The following SCHIP1 variants were observed in gnomAD, a reference collection of about 807,000 sequenced individuals.
SCHIP1 encodes schwannomin interacting protein 1, also known as schwannomin-interacting protein 1.
Under a neutral mutation model 29.7 loss-of-function variants are expected in SCHIP1, and 8 were observed. The ratio of observed to expected loss-of-function variants is 0.27; its 90% confidence interval spans 0.16 to 0.49. SCHIP1 has a LOEUF of 0.49. SCHIP1 is among the 20% of genes least tolerant of loss of function. SCHIP1 has a pLI of 0.99. For synonymous variants in SCHIP1, 76 were observed against 94.9 expected, an observed-to-expected ratio of 0.80 and a Z score of 1.16; for missense variants, 193 against 294.6, an observed-to-expected ratio of 0.66 and a Z score of 2.52.
chr3:159,689,185 G>A, the SCHIP1 span, among the ~76,000 whole-genome samples: 11 of 152,144 alleles, frequency 7.2e-5, no homozygotes, highest in East Asian at 1.9e-3. Flanking sequence ...AAATTACTTT[G>A]GGCAGTATGG....
At chr3:159,557,017 G>C in the SCHIP1 span, among the ~76,000 whole-genome samples, 2 of 151,736 alleles carry the variant, frequency 1.3e-5, no homozygotes, top group South Asian at 4.2e-4. Flanking sequence ...GAGTGCAGTG[G>C]CACGATCTCG....
chr3:159,502,307 A>G, the SCHIP1 span, among the ~76,000 whole-genome samples: 24 of 152,154 alleles, frequency 1.6e-4, no homozygotes, highest in Non-Finnish European at 2.4e-4. Context: ...TGTGTTGGGG[A>G]CCTGAGAGAG....
At chr3:159,371,846 C>G in the SCHIP1 span, among the ~76,000 whole-genome samples, 3 of 152,050 alleles carry the variant, frequency 2.0e-5, no homozygotes, top group Non-Finnish European at 4.4e-5. Flanking sequence ...TGTACATGTT[C>G]CATACAGATG....
chr3:159,294,505 C>T, the SCHIP1 span, among the ~76,000 whole-genome samples: 23 of 152,216 alleles, frequency 1.5e-4, no homozygotes, highest in East Asian at 2.9e-3. Context: ...TTTGACATGA[C>T]GTTTTTCTTT....
At chr3:159,402,311 G>A in the SCHIP1 span, among the ~76,000 whole-genome samples, 2 of 152,168 alleles carry the variant, frequency 1.3e-5, no homozygotes, top group Non-Finnish European at 1.5e-5. Context: ...GGAGAAATAG[G>A]AACACTTTTA....
the SCHIP1 span, among the ~76,000 whole-genome samples, chr3:159,589,193 T>G: frequency 6.6e-6 from 1 of 152,310 alleles, no homozygotes; most frequent in Non-Finnish European, 1.5e-5. Flanking sequence ...CCCTTGTAAG[T>G]TGGATTCCTA....
At chr3:159,659,592 T>C in the SCHIP1 span, among the ~76,000 whole-genome samples, 7 of 152,282 alleles carry the variant, frequency 4.6e-5, no homozygotes, top group East Asian at 1.4e-3. Flanking sequence ...TCCCTGAAGG[T>C]GTACAATCTT....
the SCHIP1 span, among the ~76,000 whole-genome samples, chr3:159,574,122 A>G: frequency 1.3e-5 from 2 of 152,226 alleles, no homozygotes; most frequent in Non-Finnish European, 2.9e-5. Flanking sequence ...TCAACTTGTC[A>G]AAGTCATTCT....
the SCHIP1 span, among the ~76,000 whole-genome samples, chr3:159,400,758 ACTTCT>A: frequency 6.6e-6 from 1 of 151,994 alleles, no homozygotes; most frequent in Non-Finnish European, 1.5e-5. Flanking sequence ...TTTATTCTCC[ACTTCT>A]CATCTTTCCT....
the SCHIP1 span, among the ~76,000 whole-genome samples, chr3:159,694,389 G>A: frequency 2.6e-5 from 4 of 151,982 alleles, no homozygotes; most frequent in Non-Finnish European, 4.4e-5. Flanking sequence ...GCATGGTGGC[G>A]GGTGCCTGTA....
upstream of SCHIP1, among the ~76,000 whole-genome samples, chr3:159,837,458 C>A (rs947096828): frequency 2.6e-5 from 4 of 152,206 alleles, no homozygotes; most frequent in Admixed American, 2.6e-4. Context: ...CACGGTGGCT[C>A]AGGCCTGTAA....
the SCHIP1 span, among the ~76,000 whole-genome samples, chr3:159,675,801 C>G: frequency 6.6e-6 from 1 of 152,186 alleles, no homozygotes; most frequent in Non-Finnish European, 1.5e-5. Flanking sequence ...TGACAGAAAA[C>G]TTGGAGTCAT....
chr3:159,865,563 G>A (rs1358663056), intron 1 of SCHIP1, among the ~76,000 whole-genome samples: 1 of 152,200 alleles, frequency 6.6e-6, no homozygotes, highest in African/African-American at 2.4e-5. Flanking sequence ...AAAACCTGGT[G>A]AGATGAGGCT....
At chr3:159,741,420 A>G in the SCHIP1 span, among the ~76,000 whole-genome samples, 1 of 152,206 alleles carries the variant, frequency 6.6e-6, no homozygotes, top group Admixed American at 6.5e-5. Flanking sequence ...GAAATACTAG[A>G]GTTTTACCTA....
the SCHIP1 span, among the ~76,000 whole-genome samples, chr3:159,798,063 G>T: frequency 6.6e-6 from 1 of 152,176 alleles, no homozygotes; most frequent in African/African-American, 2.4e-5. Flanking sequence ...GTTTCAACTT[G>T]GTGGCATGGA....
chr3:159,450,218 A>G, the SCHIP1 span, among the ~76,000 whole-genome samples: 8 of 152,356 alleles, frequency 5.3e-5, no homozygotes, highest in Admixed American at 6.5e-5. Context: ...TTTGGTGGAC[A>G]GTAAAATCAC....
chr3:159,372,009 T>G, the SCHIP1 span, among the ~76,000 whole-genome samples: 2 of 152,188 alleles, frequency 1.3e-5, no homozygotes, highest in African/African-American at 4.8e-5. Context: ...TATTCCATGA[T>G]GCAACTTTGT....
At chr3:159,555,837 G>A in the SCHIP1 span, among the ~76,000 whole-genome samples, 1 of 152,112 alleles carries the variant, frequency 6.6e-6, no homozygotes, top group South Asian at 2.1e-4. Context: ...TAGGACATGT[G>A]TTATGGCAAA....
chr3:159,486,622 A>G, the SCHIP1 span, among the ~76,000 whole-genome samples: 2 of 152,254 alleles, frequency 1.3e-5, no homozygotes, highest in Non-Finnish European at 2.9e-5. Context: ...TCCCTCAGGA[A>G]GGTGGCCTCA....
Sources: allele counts gnomAD v4.1 joint callset (sites outside exome capture counted in the v4.1 genomes callset), GRCh38; gene constraint gnomAD v4.1.1; transcripts MANE v1.5; gene names NCBI Gene and HGNC (gene_info 2026-07-23, HGNC 2026-07-21).